MFAP2: variants seen among roughly 807,000 people sequenced by gnomAD.
MFAP2 encodes the protein microfibril associated protein 2.
In MFAP2, 23 loss-of-function variants were observed where a neutral mutation model predicts 30.6. The ratio of observed to expected loss-of-function variants is 0.75; its 90% CI spans 0.54 to 1.07. The LOEUF (loss-of-function observed/expected upper bound fraction) is 1.07, where lower values mean the gene tolerates loss of function less well. Ranked by LOEUF, MFAP2 falls within the 50% of genes least tolerant of loss-of-function variation. The pLI is 0.00. For missense variants in MFAP2, 198 were observed against 223.8 expected (o/e 0.88, Z 0.74); for synonymous variants, 73 against 85.7 (o/e 0.85, Z 0.82).
rs764275444 is a variant in MFAP2, at chr1:16,975,242, G to T, written c.448+27C>A. 2.5e-6 allele frequency: 4 copies of T among 1,602,276 alleles called. No individual in the cohort carries two copies. The highest frequency in any genetic ancestry group is 3.4e-5 in the Admixed American group (2 of 59,694). On this transcript the variant is annotated intron_variant, in intron 8 of 8. Coordinates refer to ENST00000375535, the MANE Select transcript of MFAP2 (RefSeq NM_002403.4). This position sits in a 1 kb window ranked among gnomAD's most constrained non-coding sequence, Gnocchi z 5.0. ...TAATGATGCGGGTGTGGGGACAGGG[G>T]AGGTCTTGGGGAGGTGGCCTTCCTA...
rs1310587134 is a variant in MFAP2, at chr1:16,975,440, GGCACGGGAGCCCGGACAGAA to G, written c.375-118_375-99del. The G allele has an allele frequency of 1.3e-5, 17 of 1,307,790 alleles. No homozygotes were observed. In the African/African-American group the frequency reaches 1.8e-4, roughly 14 times the overall value. The allele number at this position is 1,307,790 out of a possible 1,614,324, so 81.0% of individuals were successfully genotyped here. On this transcript the variant is annotated intron_variant, in intron 7 of 8. Transcript: ENST00000375535. The surrounding 1 kb of genome is among the most constrained non-coding windows in gnomAD (Gnocchi z 5.0). ...TGGCACGGGAGCCCGGACAGAACCT[GGCACGGGAGCCCGGACAGAA>G]CCTGGCACTGGAGCCCAGGAGTGGA...
rs867417841 is a variant in MFAP2 at position 16,976,364 on chromosome 1, C to T, written c.286+137G>A. On this transcript the variant is annotated intron_variant, in intron 6 of 8. Coordinates refer to ENST00000375535, the MANE Select transcript of MFAP2 (RefSeq NM_002403.4). This position sits in a 1 kb window ranked among gnomAD's most constrained non-coding sequence, Gnocchi z 5.5. ...TGGGGGGCCTGGTGATGCCAGCCTA[C>T]GGCAGTCATACTGCCCACACTGCCA... The T allele has an allele frequency of 6.0e-5, 66 of 1,095,766 alleles. No homozygotes were observed. The highest frequency in any genetic ancestry group is 3.4e-4 in the African/African-American group (22 of 64,548). The allele number at this position is 1,095,766 out of a possible 1,614,324, so 67.9% of individuals were successfully genotyped here. A position where few individuals can be genotyped will look rare whatever the true frequency, so the allele number is the denominator to read the frequency against.
intron 3 of MFAP2, 60 bp downstream of exon 3, chr1:16,977,049 C>T (rs2076598794): frequency 1.2e-6 from 2 of 1,611,424 alleles, no homozygotes; most frequent in Non-Finnish European, 1.7e-6. Flanking sequence ...CCAGTGCGGT[C>T]CCTGGCTGAG....
chr1:16,980,934 C>G (rs2076634704), upstream of MFAP2: 1 of 152,632 alleles, frequency 6.6e-6, no homozygotes, highest in African/African-American at 2.4e-5. Flanking sequence ...GAAATCAAGC[C>G]TCCCAAAGTG....
chr1:16,976,611 C>G lies in MFAP2; in HGVS notation c.242-66G>C. Reference sequence around the variant, plus strand: ...GTCTCCTCAGGGCAAGGGGAGTCACCTCTCCCAGCCCTGGCAGACCCCCAC... The same window carrying G: ...GTCTCCTCAGGGCAAGGGGAGTCACGTCTCCCAGCCCTGGCAGACCCCCAC... On this transcript the variant is annotated intron_variant, in intron 5 of 8. Coordinates refer to ENST00000375535, the MANE Select transcript of MFAP2 (RefSeq NM_002403.4). This position sits in a 1 kb window ranked among gnomAD's most constrained non-coding sequence, Gnocchi z 5.5. The G allele has an allele frequency of 6.2e-7, 1 of 1,612,372 alleles. No homozygotes were observed. The highest frequency in any genetic ancestry group is 8.5e-7 in the Non-Finnish European group (1 of 1,178,458).
At chr1:16,977,693 T>A (rs1483426466) in intron 2 of MFAP2, 2 of 172,080 alleles carry the variant, frequency 1.2e-5, no homozygotes, top group African/African-American at 4.8e-5. Flanking sequence ...ACGATGTGTC[T>A]GCCTGGTTCA....
At chr1:16,977,590 T>C in intron 2 of MFAP2, 1 of 220,150 alleles carries the variant, frequency 4.5e-6, no homozygotes, top group Non-Finnish European at 9.1e-6. Flanking sequence ...TCCTGCTGAT[T>C]TCTGTCCAGC....
rs759067728 is a variant in MFAP2, at chr1:16,976,852, C to T, written c.154+45G>A. 6.2e-6 allele frequency: 10 copies of T among 1,613,910 alleles called. No individual in the cohort carries two copies. The African/African-American group carries it at 1.2e-4, about 19-fold the overall frequency. On this transcript the variant is annotated intron_variant, in intron 4 of 8. Coordinates refer to ENST00000375535, the MANE Select transcript of MFAP2 (RefSeq NM_002403.4). The surrounding 1 kb of genome is among the most constrained non-coding windows in gnomAD (Gnocchi z 5.5). ...CCTCTACCCCTCCCAGGGGGTCTCC[C>T]CACCCCAGCTGCCGGCCCGTCCTAT...
rs2076588323 is a variant in MFAP2, at chr1:16,976,064, C to T, written c.287-334G>A. Reference sequence around the variant, plus strand: ...CCCACATAGGAGCGCTCACACCAACCCACACGAGAGTGAGCACACGGATTC... The same window carrying T: ...CCCACATAGGAGCGCTCACACCAACTCACACGAGAGTGAGCACACGGATTC... On this transcript the variant is annotated intron_variant, in intron 6 of 8. Transcript: ENST00000375535. This position sits in a 1 kb window ranked among gnomAD's most constrained non-coding sequence, Gnocchi z 5.5. 10 of 467,402 alleles carry T rather than the reference C, an allele frequency of 2.1e-5. No homozygotes were observed. The South Asian group carries it at 2.3e-4, about 11-fold the overall frequency. 29.0% of individuals were successfully genotyped at this position (467,402 alleles called of 1,614,324 possible). A position where few individuals can be genotyped will look rare whatever the true frequency, so the allele number is the denominator to read the frequency against.
At chr1:16,978,209 G>T (rs2076608973) in intron 2 of MFAP2, 28 bp downstream of exon 2, 7 of 1,559,736 alleles carry the variant, frequency 4.5e-6, no homozygotes, top group Non-Finnish European at 6.1e-6. Flanking sequence ...CATAAGAGGA[G>T]CTACCCCCTG....
In MFAP2 at chr1:16,976,196, CCACT is replaced by C. The variant is rs2076590034; in HGVS notation, c.286+301_286+304del. ...GCCCTTCCTCGCCTCCACATGTGCA[CCACT>C]CAGTCTCTCTGGCTGGCAGGAAGCC... On this transcript the variant is annotated intron_variant, in intron 6 of 8. Coordinates refer to ENST00000375535, the MANE Select transcript of MFAP2 (RefSeq NM_002403.4). This position sits in a 1 kb window ranked among gnomAD's most constrained non-coding sequence, Gnocchi z 5.5. The C allele has an allele frequency of 3.6e-6, 2 of 559,958 alleles. No homozygotes were observed. The highest frequency in any genetic ancestry group is 4.8e-4 in the Middle Eastern group (1 of 2,080). The allele number at this position is 559,958 out of a possible 1,614,324, so 34.7% of individuals were successfully genotyped here. A position where few individuals can be genotyped will look rare whatever the true frequency, so the allele number is the denominator to read the frequency against.
chr1:16,977,703 A>G (rs12029807), intron 2 of MFAP2: 1 of 171,034 alleles, frequency 5.8e-6, no homozygotes, highest in African/African-American at 2.4e-5. Context: ...TGCCTGGTTC[A>G]TCGCTGAATC....
chr1:16,978,091 G>C, intron 2 of MFAP2, 146 bp downstream of exon 2: 1 of 851,754 alleles, frequency 1.2e-6, no homozygotes, highest in Non-Finnish European at 1.8e-6. Flanking sequence ...TCCAGTCTGT[G>C]GTCCAAGCAG....
rs2076579435 is a variant in MFAP2, at chr1:16,975,311, T to G, written c.406A>C (p.Ile136Leu). 3 of 1,613,876 alleles carry G rather than the reference T, an allele frequency of 1.9e-6. No homozygotes were observed. Among genetic ancestry groups the G allele is most frequent in the South Asian group, 1.1e-5 (1 of 91,066 alleles). Reference protein sequence around the residue: ...LRRVYVINKEICVRTVCAHEE... With the variant: ...LRRVYVINKELCVRTVCAHEE... ...TGGGCACACACTGTACGAACACAGATCTCCTTGTTAATGACGTACACACGG... is the reference window on the plus strand; with the variant it reads ...TGGGCACACACTGTACGAACACAGAGCTCCTTGTTAATGACGTACACACGG... The change falls in exon 8 of 9, where the codon ATC becomes CTC. Residue 136 changes from isoleucine to leucine, a missense_variant. Ile to Leu is a conservative substitution (Grantham distance 5). Coordinates refer to ENST00000375535, the MANE Select transcript of MFAP2 (RefSeq NM_002403.4). This position sits in a 1 kb window ranked among gnomAD's most constrained non-coding sequence, Gnocchi z 5.0.
rs2076576726 is a variant in MFAP2, at chr1:16,974,993, C to T, written c.479G>A (p.Cys160Tyr). The T allele has an allele frequency of 1.0e-6, 1 of 986,120 alleles. No homozygotes were observed. Among genetic ancestry groups the T allele is most frequent in the Non-Finnish European group, 1.6e-6 (1 of 634,526 alleles). The allele number at this position is 986,120 out of a possible 1,614,324, so 61.1% of individuals were successfully genotyped here. A position where few individuals can be genotyped will look rare whatever the true frequency, so the allele number is the denominator to read the frequency against. ...ADLCRDKFSK[C>Y]GVMASSGLCQ... ...CAGGCCGCTGCTGGCCATCACGCCA[C>T]ATTTGGAGAACTTGTCCCGACAGAG... The change falls in exon 9 of 9, where the codon TGT becomes TAT. Residue 160 changes from cysteine to tyrosine, a missense_variant. Transcript: ENST00000375535.
Position 16,975,296 on chromosome 1 carries a change from CTG to C in MFAP2, c.419_420del (p.Thr140SerfsTer5), listed in dbSNP as rs769362800. The stretch of plus-strand genomic sequence containing the variant: ...CGGAGGAGCTCCTCATGGGCACACA[CTG>C]TACGAACACAGATCTCCTTGTTAAT... ...YVINKEICVR[T>X]VCAHEELLRA... is the part of the protein sequence containing the mutation. On this transcript the variant is annotated frameshift_variant, in exon 8 of 9. Transcript: ENST00000375535. LOFTEE classifies it high-confidence loss of function. This position sits in a 1 kb window ranked among gnomAD's most constrained non-coding sequence, Gnocchi z 5.0. 1.9e-6 allele frequency: 3 copies of C among 1,614,004 alleles called. No individual in the cohort carries two copies. Among genetic ancestry groups the C allele is most frequent in the Non-Finnish European group, 2.5e-6 (3 of 1,179,934 alleles).
rs370428215 is a variant in MFAP2 at position 16,976,511 on chromosome 1, A to G, written c.276T>C (p.Pro92=). The G allele has an allele frequency of 1.9e-6, 3 of 1,614,232 alleles. No homozygotes were observed. The highest frequency in any genetic ancestry group is 2.5e-6 in the Non-Finnish European group (3 of 1,180,026). Residue 92 remains proline, a synonymous_variant, in exon 6 of 9, where the codon CCT becomes CCC. Coordinates refer to ENST00000375535, the MANE Select transcript of MFAP2 (RefSeq NM_002403.4). This position sits in a 1 kb window ranked among gnomAD's most constrained non-coding sequence, Gnocchi z 5.5. ...PGNAELEPTE[P]GPLDCREEQY... ...CAAGAAAGCCCTTACCAAGAGGCCC[A>G]GGCTCTGTGGGCTCCAGCTCTGCAT... is the stretch of plus-strand genomic sequence containing the variant.
chr1:16,975,007 G>C lies in MFAP2; in HGVS notation c.465C>G (p.Asp155Glu). The change falls in exon 9 of 9, where the codon GAC becomes GAG. Residue 155 changes from aspartate to glutamate, a missense_variant. Physicochemically the swap from Asp to Glu is conservative, Grantham distance 45. Coordinates refer to ENST00000375535, the MANE Select transcript of MFAP2 (RefSeq NM_002403.4). This position sits in a 1 kb window ranked among gnomAD's most constrained non-coding sequence, Gnocchi z 5.0. ...CCATCACGCCACATTTGGAGAACTT[G>C]TCCCGACAGAGGTCAGCTATTGGGG... ...EELLRADLCR[D>E]KFSKCGVMAS... The C allele has an allele frequency of 2.3e-6, 2 of 868,308 alleles. No individual in the cohort carries two copies. The highest frequency in any genetic ancestry group is 3.8e-6 in the Non-Finnish European group (2 of 526,854). The allele number at this position is 868,308 out of a possible 1,614,324, so 53.8% of individuals were successfully genotyped here.
At position 16,976,562 on chromosome 1, in the gene MFAP2, G is replaced by C; in HGVS notation, c.242-17C>G. On this transcript the variant is annotated splice_polypyrimidine_tract_variant and intron_variant, in intron 5 of 8. Coordinates refer to ENST00000375535, the MANE Select transcript of MFAP2 (RefSeq NM_002403.4). This position sits in a 1 kb window ranked among gnomAD's most constrained non-coding sequence, Gnocchi z 5.5. ...TTCCTGGTTCTGGTGTGGAGACAGA[G>C]GTAGGCAGACATCACTGGGAGGGGT... 8 of 1,614,208 alleles carry C rather than the reference G, an allele frequency of 5.0e-6. No individual in the cohort carries two copies. The highest frequency in any genetic ancestry group is 6.8e-6 in the Non-Finnish European group (8 of 1,180,032).
Sources: gnomAD v4.1 joint callset for allele counts on GRCh38, gnomAD v4.1.1 for gene constraint, Gnocchi (gnomAD v3.1) non-coding constraint, MANE v1.5 for transcripts, NCBI Gene and HGNC (gene_info 2026-07-23, HGNC 2026-07-21) for gene names.